Variants in IKZF5 observed in about 807,000 individuals in gnomAD.
The protein encoded by IKZF5 is zinc finger protein Pegasus.
IKZF5 carries 4 observed loss-of-function variants against 30.7 expected under a neutral mutation model. The observed-to-expected ratio is 0.13, with a 90% CI of 0.06 to 0.30. The LOEUF (loss-of-function observed/expected upper bound fraction) is 0.30. Ranked by LOEUF, IKZF5 falls within the 10% of genes least tolerant of loss-of-function variation. IKZF5 has a pLI of 1.00. For missense variants in IKZF5, 348 were observed against 525.5 expected (o/e 0.66, Z 3.30); for synonymous variants, 148 against 179.6 (o/e 0.82, Z 1.41).
rs1849928115 is a variant in IKZF5, at chr10:123,008,736, TGCCGTCGCC to T, written c.-249_-241del. The stretch of plus-strand genomic sequence containing the variant: ...GAGTAAACCACACCGCCTTGTTAAA[TGCCGTCGCC>T]GCCGCCGCCGTCTTCGTCACCGTCA... On this transcript the variant is annotated 5_prime_UTR_variant, in exon 1 of 5. Coordinates refer to ENST00000368886, the MANE Select transcript of IKZF5 (RefSeq NM_001372123.1). 3 of 579,756 alleles carry T rather than the reference TGCCGTCGCC, an allele frequency of 5.2e-6. No individual in the cohort carries two copies. The East Asian group carries it at 8.8e-5, about 17-fold the overall frequency. The allele number at this position is 579,756 out of a possible 1,614,324, so 35.9% of individuals were successfully genotyped here.
At chr10:123,001,331 A>G (rs193247270) in intron 2 of IKZF5, among the ~76,000 whole-genome samples, 205 of 152,246 alleles carry the variant, frequency 1.3e-3, no homozygotes, top group African/African-American at 4.9e-3. Flanking sequence ...GTAATTTTTG[A>G]TGAACAGAAG....
Position 122,993,346 on chromosome 10 carries a change from A to G in IKZF5, c.*434T>C, listed in dbSNP as rs1456307215. On this transcript the variant is annotated 3_prime_UTR_variant, in exon 5 of 5. Coordinates refer to ENST00000368886, the MANE Select transcript of IKZF5 (RefSeq NM_001372123.1). ...TAGCAATTTTTAAGGCAATTTCTGT[A>G]CTAAACACTGAAATGAGTAGTAATA... 2.6e-5 allele frequency: 4 copies of G among 153,212 alleles called. No homozygotes were observed. Among genetic ancestry groups the G allele is most frequent in the South Asian group, 2.1e-4 (1 of 4,838 alleles). 9.5% of individuals were successfully genotyped at this position (153,212 alleles called of 1,614,324 possible). A position where few individuals can be genotyped will look rare whatever the true frequency, so the allele number is the denominator to read the frequency against.
intron 3 of IKZF5, among the ~76,000 whole-genome samples, chr10:122,997,750 A>G (rs1204845999): frequency 6.6e-6 from 1 of 152,266 alleles, no homozygotes; most frequent in Non-Finnish European, 1.5e-5. Context: ...ACAGCTACAG[A>G]AAATATGTAA....
intron 2 of IKZF5, among the ~76,000 whole-genome samples, chr10:122,999,892 C>T (rs9328841): frequency 0.57 from 87,005 of 152,052 alleles, 26,406 homozygotes; most frequent in Non-Finnish European, 0.69. Context: ...TCTTTTCTTC[C>T]AGGAAAAACA....
intron 2 of IKZF5, among the ~76,000 whole-genome samples, chr10:123,001,542 T>C (rs1454811781): frequency 6.6e-6 from 1 of 152,180 alleles, no homozygotes; most frequent in East Asian, 1.9e-4. Flanking sequence ...GCATACTTTT[T>C]TCCAAAGAGA....
At chr10:123,001,672 G>A (rs554815513) in intron 2 of IKZF5, among the ~76,000 whole-genome samples, 32 of 152,210 alleles carry the variant, frequency 2.1e-4, no homozygotes, top group African/African-American at 7.0e-4. Context: ...TGGATTCTCT[G>A]TTCTGTTCCA....
At position 122,993,866 on chromosome 10, in the gene IKZF5, A is replaced by G. The variant is rs1348171088; in HGVS notation, c.1174T>C (p.Phe392Leu). The G allele has an allele frequency of 3.7e-6, 6 of 1,614,050 alleles. No homozygotes were observed. Among genetic ancestry groups the G allele is most frequent in the Non-Finnish European group, 5.1e-6 (6 of 1,179,990 alleles). Residue 392 changes from phenylalanine to leucine, a missense_variant, in exon 5 of 5, where the codon TTT (phenylalanine) becomes CTT (leucine). Around this residue, in one of 4 missense-constraint regions of IKZF5, gnomAD observed 56 missense variants for 104.7 expected, o/e 0.53. Transcript: ENST00000368886. Reference protein sequence around the residue: ...HMGCHGYENPFQCNICGCKCK... With the variant: ...HMGCHGYENPLQCNICGCKCK... Reference sequence around the variant, plus strand: ...TTGCATCCACATATATTACACTGAAAAGGATTTTCATACCCATGACATCCC... The same window carrying G: ...TTGCATCCACATATATTACACTGAAGAGGATTTTCATACCCATGACATCCC...
At chr10:123,002,205 G>A (rs558866270) in intron 2 of IKZF5, among the ~76,000 whole-genome samples, 5 of 152,112 alleles carry the variant, frequency 3.3e-5, no homozygotes, top group African/African-American at 9.6e-5. Context: ...TAGAAGCTAC[G>A]GTAGTTCTAG....
In IKZF5 at chr10:122,994,164, AG is replaced by A. The variant is rs1849270607; in HGVS notation, c.875del (p.Ser292LeufsTer5). The A allele has an allele frequency of 6.2e-7, 1 of 1,614,030 alleles. No homozygotes were observed. The highest frequency in any genetic ancestry group is 8.5e-7 in the Non-Finnish European group (1 of 1,180,026). On this transcript the variant is annotated frameshift_variant, in exon 5 of 5. Transcript: ENST00000368886. LOFTEE classifies it high-confidence loss of function. This position sits in a 1 kb window ranked among gnomAD's most constrained non-coding sequence, Gnocchi z 5.6. ...ATACGGCAGAAACTACTGCTTGGGTAGAGGGCTGCTGAATCATGAAAGGCTT... is the reference window on the plus strand; with the variant it reads ...ATACGGCAGAAACTACTGCTTGGGTAAGGGCTGCTGAATCATGAAAGGCTT... ...DEKPFMIQQPSTQAVVSAVSA... is the reference protein window; with the variant it reads ...DEKPFMIQQPXTQAVVSAVSA...
chr10:122,992,584 T>A lies in IKZF5; in HGVS notation c.*1196A>T, dbSNP rs1246081496. On this transcript the variant is annotated 3_prime_UTR_variant, in exon 5 of 5. Transcript: ENST00000368886. ...GTCTTATTTTTATAAACAAATTAAA[T>A]GTCATGTTTAGATGCATTTTATATT... 1.3e-5 allele frequency: 2 copies of A among 152,208 alleles called. No individual in the cohort carries two copies. Among genetic ancestry groups the A allele is most frequent in the Non-Finnish European group, 2.9e-5 (2 of 68,018 alleles). The allele number at this position is 152,208 out of a possible 1,614,324, so 9.4% of individuals were successfully genotyped here. A position where few individuals can be genotyped will look rare whatever the true frequency, so the allele number is the denominator to read the frequency against.
chr10:122,994,781 T>C lies in IKZF5; in HGVS notation c.317-58A>G. 7.8e-6 allele frequency: 11 copies of C among 1,408,040 alleles called. No individual in the cohort carries two copies. Among genetic ancestry groups the C allele is most frequent in the Non-Finnish European group, 1.1e-5 (11 of 1,036,642 alleles). 87.2% of individuals were successfully genotyped at this position (1,408,040 alleles called of 1,614,324 possible). On this transcript the variant is annotated intron_variant, in intron 4 of 4. Transcript: ENST00000368886. This position sits in a 1 kb window ranked among gnomAD's most constrained non-coding sequence, Gnocchi z 5.6. The stretch of plus-strand genomic sequence containing the variant: ...AAGAGTAGTTCATTTATGGAAAGTT[T>C]TGCTTGTCCATTCATTGGACAACTG...
At position 122,993,976 on chromosome 10, in the gene IKZF5, A is replaced by AGGGCTG. The variant is rs768859957; in HGVS notation, c.1058_1063dup (p.Pro353_Ala354dup). The AGGGCTG allele has an allele frequency of 2.0e-5, 32 of 1,613,976 alleles. No homozygotes were observed. The highest frequency in any genetic ancestry group is 2.4e-5 in the Non-Finnish European group (28 of 1,180,012). On this transcript the variant is annotated inframe_insertion, in exon 5 of 5. Coordinates refer to ENST00000368886, the MANE Select transcript of IKZF5 (RefSeq NM_001372123.1). ...CAGAAGCTGAGGGTCCTGGACCGGC[A>AGGGCTG]GGGCTGGGGCTGGGGTGCTTGGCTG...
intron 2 of IKZF5, among the ~76,000 whole-genome samples, chr10:122,998,875 A>G (rs1316296797): frequency 6.6e-6 from 1 of 152,118 alleles, no homozygotes; most frequent in African/African-American, 2.4e-5. Context: ...ACGGATTCAA[A>G]CTTAGTCACA....
intron 2 of IKZF5, among the ~76,000 whole-genome samples, chr10:123,002,434 C>T (rs891099762): frequency 1.3e-5 from 2 of 151,118 alleles, no homozygotes; most frequent in African/African-American, 4.9e-5. Flanking sequence ...GCAGGAGAAT[C>T]GCTTGAACCC....
intron 2 of IKZF5, among the ~76,000 whole-genome samples, chr10:123,002,123 A>C (rs1849608073): frequency 6.6e-6 from 1 of 152,200 alleles, no homozygotes; most frequent in African/African-American, 2.4e-5. Context: ...ATTTAGCCAA[A>C]TAAGGACTTA....
At chr10:123,003,130 A>G (rs999144959) in intron 2 of IKZF5, among the ~76,000 whole-genome samples, 2 of 149,882 alleles carry the variant, frequency 1.3e-5, no homozygotes, top group Non-Finnish European at 3.0e-5. Flanking sequence ...TCCCAGGTTC[A>G]AGCAATTCTC....
At chr10:123,001,426 T>G (rs902321929) in intron 2 of IKZF5, among the ~76,000 whole-genome samples, 4 of 152,174 alleles carry the variant, frequency 2.6e-5, no homozygotes, top group African/African-American at 9.7e-5. Flanking sequence ...TGCCTACATC[T>G]TACTTGAAGA....
In IKZF5 at chr10:122,994,814, A is replaced by T. The variant is rs767768099; in HGVS notation, c.317-91T>A. The T allele has an allele frequency of 4.9e-6, 5 of 1,029,780 alleles. No individual in the cohort carries two copies. Among genetic ancestry groups the T allele is most frequent in the Non-Finnish European group, 7.1e-6 (5 of 702,170 alleles). 63.8% of individuals were successfully genotyped at this position (1,029,780 alleles called of 1,614,324 possible). On this transcript the variant is annotated intron_variant, in intron 4 of 4. Transcript: ENST00000368886. The surrounding 1 kb of genome is among the most constrained non-coding windows in gnomAD (Gnocchi z 5.6). ...CCATTCATTGGACAACTGGAAATTG[A>T]TCAAAAAGAAAATGCTTTCAGAAAG...
chr10:122,996,091 C>G lies in IKZF5; in HGVS notation c.219G>C (p.Gly73=). The G allele has an allele frequency of 6.2e-6, 10 of 1,614,134 alleles. No individual in the cohort carries two copies. Among genetic ancestry groups the G allele is most frequent in the Non-Finnish European group, 8.5e-6 (10 of 1,180,018 alleles). Reference sequence around the variant, plus strand: ...GCTTCCCATCAAAGGTCCTTTCAAACCCGTCTACTAACATTCCTGAGTTTT... The same window carrying G: ...GCTTCCCATCAAAGGTCCTTTCAAAGCCGTCTACTAACATTCCTGAGTTTT... ...LDENSGMLVD[G]FERTFDGKLK... Residue 73 remains glycine, a synonymous_variant, in exon 4 of 5, where the codon GGG becomes GGC. Transcript: ENST00000368886.
Sources: allele counts gnomAD v4.1 joint callset (sites outside exome capture counted in the v4.1 genomes callset), GRCh38; gene constraint gnomAD v4.1.1; regional missense constraint gnomAD v4.1.1; non-coding constraint Gnocchi (gnomAD v3.1); transcripts MANE v1.5; gene names NCBI Gene and HGNC (gene_info 2026-07-23, HGNC 2026-07-21).